VEZT: variants seen among roughly 807,000 people sequenced by gnomAD.
The protein encoded by VEZT is vezatin.
In VEZT, 39 loss-of-function variants were observed where a neutral mutation model predicts 79.9. The observed-to-expected ratio is 0.49, with a 90% CI of 0.38 to 0.64. VEZT has a LOEUF of 0.64. Among genes scored for constraint, VEZT ranks in the 30% least tolerant of loss-of-function variants. The probability of loss-of-function intolerance (pLI) is 0.00; values close to 1 mark genes in which losing one functional copy is unlikely to be tolerated. For synonymous variants in VEZT, 325 were observed against 327.6 expected (o/e 0.99, Z 0.09); for missense variants, 837 against 893.1 (o/e 0.94, Z 0.80).
chr12:95,217,914 ATTGCC>A (rs2056922989), intron 1 of VEZT, 28 bp downstream of exon 1: 1 of 1,489,472 alleles, frequency 6.7e-7, no homozygotes, highest in African/African-American at 1.5e-5. Flanking sequence ...GTGGGTGTGG[ATTGCC>A]TTTGTTTGAG....
Position 95,234,651 on chromosome 12 carries a change from G to GT in VEZT, c.36+16773dup, listed in dbSNP as rs1207380015. The stretch of plus-strand genomic sequence containing the variant: ...TTAAGCTAGTTTTGAAAGTAGTTTT[G>GT]TTTTTTTTGTTTTTTATTTATTTAT... On this transcript the variant is annotated intron_variant, in intron 1 of 11. Coordinates refer to ENST00000436874, the MANE Select transcript of VEZT (RefSeq NM_017599.4). Among the ~76,000 whole-genome samples the GT allele has an allele frequency of 1.3e-3, 191 of 151,378 alleles. 1 individual carries two copies. The highest frequency in any genetic ancestry group is 3.4e-3 in the Middle Eastern group (1 of 294).
At chr12:95,244,148 T>G in intron 1 of VEZT, 1 of 352,176 alleles carries the variant, frequency 2.8e-6, no homozygotes, top group South Asian at 2.2e-5. Flanking sequence ...ATAATCCCAG[T>G]GCTTTGGGCC....
chr12:95,234,318 G>A (rs1395996813), intron 1 of VEZT, among the ~76,000 whole-genome samples: 6 of 128,788 alleles, frequency 4.7e-5, no homozygotes, highest in African/African-American at 9.0e-5. Context: ...ACAGAGTTTC[G>A]CTCTTGGCCC....
chr12:95,263,073 T>G lies in VEZT; in HGVS notation c.426T>G (p.Pro142=). ...HLPTLCSLAT[P]NIWDLSMLFA... is the part of the protein sequence containing the mutation. Reference sequence around the variant, plus strand: ...CAACACTTTGCTCCCTGGCAACCCCTAATATTTGGTACTGTCCAGAAAACA... The same window carrying G: ...CAACACTTTGCTCCCTGGCAACCCCGAATATTTGGTACTGTCCAGAAAACA... The change falls in exon 4 of 12, where the codon CCT becomes CCG. Residue 142 remains proline (P), a synonymous_variant. Transcript: ENST00000436874. 1 of 1,605,684 alleles carries G rather than the reference T, an allele frequency of 6.2e-7. No homozygotes were observed. Among genetic ancestry groups the G allele is most frequent in the Non-Finnish European group, 8.5e-7 (1 of 1,173,914 alleles).
chr12:95,235,309 C>T (rs1477007004), intron 1 of VEZT, among the ~76,000 whole-genome samples: 7 of 143,126 alleles, frequency 4.9e-5, no homozygotes, highest in Admixed American at 2.0e-4. Context: ...ACCTCCCTCC[C>T]GGACGGGGCG....
At chr12:95,227,466 A>G (rs796564065) in intron 1 of VEZT, among the ~76,000 whole-genome samples, 22 of 150,754 alleles carry the variant, frequency 1.5e-4, no homozygotes, top group African/African-American at 4.9e-4. Context: ...TCAGCCTCCC[A>G]AGTAGCTGGG....
intron 4 of VEZT, among the ~76,000 whole-genome samples, 182 bp downstream of exon 4, chr12:95,263,263 A>C (rs2064882990): frequency 6.6e-6 from 1 of 152,238 alleles, no homozygotes; most frequent in Admixed American, 6.5e-5. Flanking sequence ...AAGTGAAGCT[A>C]GGGAAAAAAA....
chr12:95,270,922 G>A (rs1047869387), intron 6 of VEZT, among the ~76,000 whole-genome samples: 4 of 152,192 alleles, frequency 2.6e-5, no homozygotes, highest in Non-Finnish European at 5.9e-5. Context: ...TGACTAAGTA[G>A]AAGGTAAAAA....
chr12:95,230,827 T>C (rs1159842944), intron 1 of VEZT, among the ~76,000 whole-genome samples: 3 of 152,170 alleles, frequency 2.0e-5, no homozygotes, highest in Non-Finnish European at 2.9e-5. Context: ...AGATTTCAAA[T>C]AATATTTAAA....
intron 2 of VEZT, 136 bp downstream of exon 2, chr12:95,252,207 T>A: frequency 2.2e-6 from 2 of 893,536 alleles, no homozygotes; most frequent in Non-Finnish European, 3.1e-6. Context: ...TACAAAACTT[T>A]CTGTTAGATA....
At chr12:95,231,768 G>A (rs1463444736) in intron 1 of VEZT, among the ~76,000 whole-genome samples, 1 of 152,112 alleles carries the variant, frequency 6.6e-6, no homozygotes, top group East Asian at 1.9e-4. Flanking sequence ...GTTTAAGGGA[G>A]ATAAAGGCAC....
chr12:95,236,331 G>A (rs532999604), intron 1 of VEZT, among the ~76,000 whole-genome samples: 1,873 of 152,302 alleles, frequency 0.012, 13 homozygotes, highest in Non-Finnish European at 0.019. Context: ...GCTGAGGCAG[G>A]AGAATCAGGC....
Position 95,300,497 on chromosome 12 carries a change from A to T in VEZT, c.2164A>T (p.Ile722Phe), listed in dbSNP as rs750653849. The part of the protein sequence containing the change: ...PTPRDSLQPS[I>F]KQRLARLQLS... ...TCCCAGGGACTCATTACAGCCCTCC[A>T]TTAAGCAGAGGCTGGCACGGCTACA... is the stretch of plus-strand genomic sequence containing the variant. Residue 722 changes from isoleucine to phenylalanine, a missense_variant, in exon 12 of 12, where the codon ATT becomes TTT. By Grantham distance (21) the Ile-to-Phe change is conservative. Coordinates refer to ENST00000436874, the MANE Select transcript of VEZT (RefSeq NM_017599.4). 1.9e-6 allele frequency: 3 copies of T among 1,613,992 alleles called. No homozygotes were observed. The South Asian group carries it at 3.3e-5, about 18-fold the overall frequency.
At chr12:95,248,956 T>A (rs576184373) in intron 1 of VEZT, among the ~76,000 whole-genome samples, 11 of 152,306 alleles carry the variant, frequency 7.2e-5, no homozygotes, top group Admixed American at 7.2e-4. Flanking sequence ...GGCAGGTTTT[T>A]AAAATGTTTT....
At chr12:95,245,288 T>TTTTTTGTTTTAC (rs1246790633) in intron 1 of VEZT, among the ~76,000 whole-genome samples, 1 of 152,082 alleles carries the variant, frequency 6.6e-6, no homozygotes, top group Non-Finnish European at 1.5e-5. Flanking sequence ...TGTCGTGAGT[T>TTTTTTGTTTTAC]TTGTTTTACT....
chr12:95,300,626 G>A lies in VEZT; in HGVS notation c.2293G>A (p.Glu765Lys), dbSNP rs1410880703. ...GGAACAGACTTTTGGTGGTGAGGAG[G>A]AAGAACAAATAATAGAAGAAAATAA... ...MQEQTFGGEEEEQIIEENKNE... is the reference protein window; with the variant it reads ...MQEQTFGGEEKEQIIEENKNE... The change falls in exon 12 of 12, where the codon GAA becomes AAA. Residue 765 changes from glutamate to lysine, a missense_variant. Coordinates refer to ENST00000436874, the MANE Select transcript of VEZT (RefSeq NM_017599.4). The A allele has an allele frequency of 3.1e-6, 5 of 1,601,662 alleles. No individual in the cohort carries two copies. The highest frequency in any genetic ancestry group is 1.7e-4 in the Middle Eastern group (1 of 6,002).
At chr12:95,233,889 G>A (rs1404393016) in intron 1 of VEZT, among the ~76,000 whole-genome samples, 4 of 151,916 alleles carry the variant, frequency 2.6e-5, no homozygotes, top group African/African-American at 9.7e-5. Flanking sequence ...TGTATATTTG[G>A]CATACTTTTA....
At chr12:95,297,595 T>TC (rs2074433015) in intron 11 of VEZT, among the ~76,000 whole-genome samples, 1 of 152,202 alleles carries the variant, frequency 6.6e-6, no homozygotes, top group African/African-American at 2.4e-5. Flanking sequence ...TGCAAACTCT[T>TC]TGCAGATTTT....
intron 1 of VEZT, among the ~76,000 whole-genome samples, chr12:95,243,385 C>T (rs2061307123): frequency 6.7e-6 from 1 of 148,972 alleles, no homozygotes; most frequent in Admixed American, 6.7e-5. Flanking sequence ...AAAAAAGCTC[C>T]ATTTACCCAT....
Sources: allele counts gnomAD v4.1 joint callset (sites outside exome capture counted in the v4.1 genomes callset), GRCh38; gene constraint gnomAD v4.1.1; transcripts MANE v1.5; gene names NCBI Gene and HGNC (gene_info 2026-07-23, HGNC 2026-07-21).